MRGPRX2: variants seen among roughly 807,000 people sequenced by gnomAD.
MRGPRX2 encodes mas-related G protein-coupled receptor member X2.
For synonymous variants in MRGPRX2, 183 were observed against 175.6 expected (o/e 1.04, Z -0.33); for missense variants, 389 against 404.5 (o/e 0.96, Z 0.33).
Position 19,055,252 on chromosome 11 carries a change from T to C in MRGPRX2, c.*158A>G. ...AAGGCAGTTCCAGAGACACTGCACTTAGTGTTTGTTTCATAGGCACTGTCT... is the reference window on the plus strand; with the variant it reads ...AAGGCAGTTCCAGAGACACTGCACTCAGTGTTTGTTTCATAGGCACTGTCT... On this transcript the variant is annotated 3_prime_UTR_variant, in exon 2 of 2. Transcript: ENST00000329773. 1 of 727,012 alleles carries C rather than the reference T, an allele frequency of 1.4e-6. No individual in the cohort carries two copies. Among genetic ancestry groups the C allele is most frequent in the Non-Finnish European group, 2.2e-6 (1 of 450,590 alleles). The allele number at this position is 727,012 out of a possible 1,614,324, so 45.0% of individuals were successfully genotyped here. A position where few individuals can be genotyped will look rare whatever the true frequency, so the allele number is the denominator to read the frequency against.
chr11:19,059,323 G>A (rs963214473), intron 1 of MRGPRX2, among the ~76,000 whole-genome samples: 5 of 152,166 alleles, frequency 3.3e-5, no homozygotes, highest in Admixed American at 6.6e-5. Flanking sequence ...TAAGGGTACC[G>A]CTTTAGGGAT....
At chr11:19,060,409 G>T (rs772943799) in intron 1 of MRGPRX2, among the ~76,000 whole-genome samples, 2 of 152,174 alleles carry the variant, frequency 1.3e-5, no homozygotes, top group Admixed American at 1.3e-4. Flanking sequence ...TTGAATGGTC[G>T]AAGAGAAGGG....
chr11:19,060,314 C>A (rs905465084), intron 1 of MRGPRX2, among the ~76,000 whole-genome samples: 6 of 152,228 alleles, frequency 3.9e-5, no homozygotes, highest in Non-Finnish European at 7.3e-5. Context: ...TTTTAAATAA[C>A]AATTTAGCTT....
intron 1 of MRGPRX2, among the ~76,000 whole-genome samples, chr11:19,058,659 C>T (rs1258678895): frequency 2.0e-5 from 3 of 152,040 alleles, no homozygotes; most frequent in African/African-American, 7.2e-5. Flanking sequence ...AACTTCTGAC[C>T]TTGTGATCTG....
rs762897715 is a variant in MRGPRX2 at position 19,056,035 on chromosome 11, A to C, written c.368T>G (p.Val123Gly). The C allele has an allele frequency of 7.4e-6, 12 of 1,614,206 alleles. No individual in the cohort carries two copies. In the South Asian group the frequency reaches 1.3e-4, roughly 18 times the overall value. The stretch of plus-strand genomic sequence containing the variant: ...GACGGACAGGCAGCGCTCGGTGCTG[A>C]CGGTGCTCAGCATGCTCAGGCCTGC... ...YLAGLSMLSTVSTERCLSVLW... is the reference protein window; with the variant it reads ...YLAGLSMLSTGSTERCLSVLW... Residue 123 changes from valine to glycine, a missense_variant, in exon 2 of 2, where the codon GTC (valine) becomes GGC (glycine). By Grantham distance (109) the Val-to-Gly change is moderately radical. Transcript: ENST00000329773.
Position 19,056,217 on chromosome 11 carries a change from G to A in MRGPRX2, c.186C>T (p.Asn62=), listed in dbSNP as rs974534357. Residue 62 remains asparagine, a synonymous_variant, in exon 2 of 2, where the codon AAC becomes AAT. Transcript: ENST00000329773. Reference sequence around the variant, plus strand: ...GGCTGAGGACGTAGACAGAGAAGGCGTTCCTGCGCATGCGGAAGCCCAGGA... The same window carrying A: ...GGCTGAGGACGTAGACAGAGAAGGCATTCCTGCGCATGCGGAAGCCCAGGA... The part of the protein sequence containing the change: ...LWLLGFRMRR[N]AFSVYVLSLA... 18 of 1,613,992 alleles carry A rather than the reference G, an allele frequency of 1.1e-5. No individual in the cohort carries two copies. Among genetic ancestry groups the A allele is most frequent in the Non-Finnish European group, 1.4e-5 (17 of 1,179,962 alleles).
At position 19,055,824 on chromosome 11, in the gene MRGPRX2, A is replaced by G. The variant is rs930772173; in HGVS notation, c.579T>C (p.Phe193=). ...FDFITAAWLI[F]LFMVLCGSSL... is the part of the protein sequence containing the mutation. ...TGGACCCACAGAGAACCATGAATAA[A>G]AAAATCAGCCACGCTGCAGTGATGA... The change falls in exon 2 of 2, where the codon TTT becomes TTC. Residue 193 remains phenylalanine (F), a synonymous_variant. Coordinates refer to ENST00000329773, the MANE Select transcript of MRGPRX2 (RefSeq NM_054030.4). 1 of 1,614,168 alleles carries G rather than the reference A, an allele frequency of 6.2e-7. No individual in the cohort carries two copies. The highest frequency in any genetic ancestry group is 8.5e-7 in the Non-Finnish European group (1 of 1,180,046).
At chr11:19,058,309 G>C (rs568921806) in intron 1 of MRGPRX2, among the ~76,000 whole-genome samples, 1 of 152,296 alleles carries the variant, frequency 6.6e-6, no homozygotes, top group East Asian at 1.9e-4. Context: ...TGCTGTCTTA[G>C]TTCCTGTAGC....
chr11:19,057,503 G>A (rs984638148), intron 1 of MRGPRX2, among the ~76,000 whole-genome samples: 3 of 152,222 alleles, frequency 2.0e-5, no homozygotes, highest in Non-Finnish European at 4.4e-5. Context: ...GAGGTAACTA[G>A]AGGGTGTTGT....
intron 1 of MRGPRX2, 35 bp downstream of exon 1, chr11:19,060,584 C>T (rs1207986561): frequency 1.3e-5 from 2 of 152,102 alleles, no homozygotes; most frequent in Non-Finnish European, 2.9e-5. Context: ...CCAAAACTGC[C>T]TTTGAAAGAA....
rs751093012 is a variant in MRGPRX2 at position 19,055,982 on chromosome 11, G to T, written c.421C>A (p.Arg141Ser). The T allele has an allele frequency of 6.2e-7, 1 of 1,614,212 alleles. No homozygotes were observed. Among genetic ancestry groups the T allele is most frequent in the Non-Finnish European group, 8.5e-7 (1 of 1,180,052 alleles). Residue 141 changes from arginine to serine, a missense_variant, in exon 2 of 2, where the codon CGC becomes AGC. Physicochemically the swap from Arg to Ser is moderately radical, Grantham distance 110. Coordinates refer to ENST00000329773, the MANE Select transcript of MRGPRX2 (RefSeq NM_054030.4). ...VLWPIWYRCR[R>S]PRHLSAVVCV... ...ACGACCGCTGACAGGTGTCTGGGGC[G>T]GCGGCAGCGATACCAGATGGGCCAC... is the stretch of plus-strand genomic sequence containing the variant.
intron 1 of MRGPRX2, among the ~76,000 whole-genome samples, chr11:19,057,359 G>C (rs7116207): frequency 0.062 from 9,448 of 152,184 alleles, 373 homozygotes; most frequent in East Asian, 0.15. Context: ...CTTTTGCTCA[G>C]CACCCAAAAG....
Position 19,055,819 on chromosome 11 carries a change from A to C in MRGPRX2, c.584T>G (p.Phe195Cys), listed in dbSNP as rs201766037. The C allele has an allele frequency of 2.4e-4, 383 of 1,614,038 alleles. 1 individual carries two copies. Among genetic ancestry groups the C allele is most frequent in the Admixed American group, 1.0e-4 (6 of 59,996 alleles). Residue 195 changes from phenylalanine (F) to cysteine (C), a missense_variant, in exon 2 of 2, where the codon TTC (phenylalanine) becomes TGC (cysteine). By Grantham distance (205) the Phe-to-Cys change is radical (BLOSUM62 -2). Transcript: ENST00000329773. ...FITAAWLIFL[F>C]MVLCGSSLAL... Reference sequence around the variant, plus strand: ...CAGACTGGACCCACAGAGAACCATGAATAAAAAAATCAGCCACGCTGCAGT... The same window carrying C: ...CAGACTGGACCCACAGAGAACCATGCATAAAAAAATCAGCCACGCTGCAGT...
intron 1 of MRGPRX2, among the ~76,000 whole-genome samples, chr11:19,059,112 CATA>C (rs1849644957): frequency 6.6e-6 from 1 of 152,206 alleles, no homozygotes; most frequent in African/African-American, 2.4e-5. Context: ...TTTTCTCACA[CATA>C]ATAATTCTGA....
intron 1 of MRGPRX2, among the ~76,000 whole-genome samples, chr11:19,057,824 G>T (rs1542913): frequency 0.13 from 20,181 of 152,172 alleles, 1,364 homozygotes; most frequent in Middle Eastern, 0.18. Context: ...ATTTTACAGA[G>T]AAGGAGATTA....
intron 1 of MRGPRX2, among the ~76,000 whole-genome samples, chr11:19,058,015 A>G (rs961909331): frequency 7.2e-5 from 11 of 152,228 alleles, no homozygotes; most frequent in Admixed American, 7.2e-4. Context: ...GCTCATATCA[A>G]ATCCAAAATG....
intron 1 of MRGPRX2, among the ~76,000 whole-genome samples, chr11:19,057,616 T>A (rs1849631156): frequency 6.6e-6 from 1 of 151,702 alleles, no homozygotes; most frequent in Non-Finnish European, 1.5e-5. Context: ...GGGAAAGGAG[T>A]GGGAAATTAG....
At position 19,055,309 on chromosome 11, in the gene MRGPRX2, T is replaced by C. The variant is rs115354234; in HGVS notation, c.*101A>G. 2,090 of 1,275,366 alleles carry C rather than the reference T, an allele frequency of 1.6e-3. 26 individuals carry two copies. In the African/African-American group the frequency reaches 0.027, roughly 17 times the overall value. 79.0% of individuals were successfully genotyped at this position (1,275,366 alleles called of 1,614,324 possible). ...ATCCTCACAAGGACTCTCTTAACTG[T>C]TTTAAAATCAGGACTGAGAAAGTTC... On this transcript the variant is annotated 3_prime_UTR_variant, in exon 2 of 2. Coordinates refer to ENST00000329773, the MANE Select transcript of MRGPRX2 (RefSeq NM_054030.4).
intron 1 of MRGPRX2, among the ~76,000 whole-genome samples, chr11:19,059,152 C>T (rs904367208): frequency 6.6e-6 from 1 of 152,206 alleles, no homozygotes; most frequent in Non-Finnish European, 1.5e-5. Flanking sequence ...AGGCCCATTT[C>T]TCAGCTTCCC....
Sources: gnomAD v4.1 joint callset for allele counts (sites outside exome capture counted in the v4.1 genomes callset) on GRCh38, gnomAD v4.1.1 for gene constraint, MANE v1.5 for transcripts, NCBI Gene and HGNC (gene_info 2026-07-23, HGNC 2026-07-21) for gene names.